RYR2: variants seen among roughly 807,000 people sequenced by gnomAD.
RYR2 encodes the protein cardiac muscle ryanodine receptor-calcium release channel.
In RYR2, 227 loss-of-function variants were observed where a neutral mutation model predicts 601.1. That is an observed-to-expected ratio of 0.38 (90% CI 0.34 to 0.42). The LOEUF (loss-of-function observed/expected upper bound fraction) is 0.42, where lower values mean the gene tolerates loss of function less well. Ranked by LOEUF, RYR2 falls within the 10% of genes least tolerant of loss-of-function variation. RYR2 has a pLI of 1.00. For synonymous variants in RYR2, 2,223 were observed against 2,175.1 expected (o/e 1.02, Z -0.61); for missense variants, 4,646 against 6,156.5 (o/e 0.75, Z 8.21).
At chr1:237,066,204 A>G (rs1663595232) in intron 1 of RYR2, among the ~76,000 whole-genome samples, 1 of 152,220 alleles carries the variant, frequency 6.6e-6, no homozygotes, top group Non-Finnish European at 1.5e-5. Context: ...TGTCTTGCAA[A>G]ATGCCTTTTC....
chr1:237,236,802 A>G (rs1685591721), intron 1 of RYR2, among the ~76,000 whole-genome samples: 1 of 152,198 alleles, frequency 6.6e-6, no homozygotes, highest in African/African-American at 2.4e-5. Flanking sequence ...AATTATCTAC[A>G]ATATAAGATA....
chr1:237,132,182 G>A (rs1382479600), intron 1 of RYR2, among the ~76,000 whole-genome samples: 1 of 152,224 alleles, frequency 6.6e-6, no homozygotes, highest in Non-Finnish European at 1.5e-5. Flanking sequence ...ACGTTCTGAA[G>A]GAAACTATTC....
chr1:237,674,010 A>G (rs867656942), intron 58 of RYR2, 86 bp from the exon 59 acceptor site: 1 of 1,050,858 alleles, frequency 9.5e-7, no homozygotes, highest in Non-Finnish European at 1.4e-6. Context: ...GGAAAGTTTT[A>G]TAGTGTGGTC....
chr1:237,677,273 A>G (rs941777292), intron 60 of RYR2, among the ~76,000 whole-genome samples: 1 of 152,166 alleles, frequency 6.6e-6, no homozygotes. Flanking sequence ...TATGTTCTGC[A>G]TGCCATCGTT....
At chr1:237,505,985 A>C (rs1665182635) in intron 22 of RYR2, among the ~76,000 whole-genome samples, 1 of 152,102 alleles carries the variant, frequency 6.6e-6, no homozygotes. Context: ...TCAGACATTT[A>C]TACGCTCAAA....
At chr1:237,213,200 C>T (rs945476978) in intron 1 of RYR2, among the ~76,000 whole-genome samples, 1 of 151,822 alleles carries the variant, frequency 6.6e-6, no homozygotes, top group Non-Finnish European at 1.5e-5. Context: ...TTTTTTGACA[C>T]AGAGTCTCGC....
At chr1:237,570,231 A>AC (rs1559044203) in intron 29 of RYR2, among the ~76,000 whole-genome samples, 2 of 151,514 alleles carry the variant, frequency 1.3e-5, no homozygotes, top group Non-Finnish European at 2.9e-5. Context: ...AAAAAAAAAA[A>AC]AGATGGAAGG....
intron 20 of RYR2, among the ~76,000 whole-genome samples, chr1:237,499,849 G>A (rs1184047669): frequency 6.6e-6 from 1 of 152,202 alleles, no homozygotes; most frequent in Non-Finnish European, 1.5e-5. Flanking sequence ...ATGTGTGTTT[G>A]GGAGAACCTT....
intron 5 of RYR2, among the ~76,000 whole-genome samples, chr1:237,364,846 C>A (rs977195307): frequency 2.0e-5 from 3 of 152,146 alleles, no homozygotes; most frequent in African/African-American, 7.2e-5. Flanking sequence ...AATTCTTCCA[C>A]TGGGAAATTA....
intron 35 of RYR2, among the ~76,000 whole-genome samples, chr1:237,609,894 T>C (rs1179720905): frequency 6.6e-6 from 1 of 152,158 alleles, no homozygotes; most frequent in Non-Finnish European, 1.5e-5. Context: ...TTTTGTTAGT[T>C]TTATTCATTA....
intron 76 of RYR2, among the ~76,000 whole-genome samples, chr1:237,727,775 T>C (rs1418042894): frequency 1.3e-5 from 2 of 152,120 alleles, no homozygotes; most frequent in Non-Finnish European, 2.9e-5. Flanking sequence ...TGTAAAAAGA[T>C]TTGACAGGCC....
At chr1:237,472,332 G>A (rs182752176) in intron 17 of RYR2, among the ~76,000 whole-genome samples, 9 of 152,246 alleles carry the variant, frequency 5.9e-5, no homozygotes, top group Non-Finnish European at 1.0e-4. Context: ...AAGAATTCTT[G>A]AGTAGAAAAG....
chr1:237,427,625 A>C (rs978178350), intron 12 of RYR2, among the ~76,000 whole-genome samples: 18 of 151,856 alleles, frequency 1.2e-4, no homozygotes, highest in Non-Finnish European at 2.1e-4. Context: ...TCTACTAAAA[A>C]TACAAAAATT....
At chr1:237,716,551 C>T (rs1256482868) in intron 71 of RYR2, among the ~76,000 whole-genome samples, 1 of 152,030 alleles carries the variant, frequency 6.6e-6, no homozygotes, top group Non-Finnish European at 1.5e-5. Context: ...TAGCATAAGC[C>T]TCAAAAACAT....
At chr1:237,124,183 C>G (rs1671144445) in intron 1 of RYR2, among the ~76,000 whole-genome samples, 1 of 152,074 alleles carries the variant, frequency 6.6e-6, no homozygotes, top group African/African-American at 2.4e-5. Flanking sequence ...AATGATTTGC[C>G]CAAAGCCTGT....
chr1:237,167,708 CTTTTTTTTT>C (rs11288225), intron 1 of RYR2, among the ~76,000 whole-genome samples: 7 of 101,110 alleles, frequency 6.9e-5, no homozygotes, highest in African/African-American at 2.4e-4. Flanking sequence ...GATCCACCTC[CTTTTTTTTT>C]TTTTTTTTTT....
Position 237,639,015 on chromosome 1 carries a change from G to C in RYR2, c.6929G>C (p.Gly2310Ala). ...DFLRFAVFCNGESVEENANVV... is the reference protein window; with the variant it reads ...DFLRFAVFCNAESVEENANVV... ...ACTTATCTTCCCCATTCTACTTTAG[G>C]GGAGAGTGTGGAGGAAAATGCAAAT... The change falls in exon 46 of 105, where the codon GGG becomes GCG. Residue 2310 changes from glycine (G) to alanine (A), a missense_variant and splice_region_variant. Physicochemically the swap from Gly to Ala is moderately conservative, Grantham distance 60. This residue lies in a region of RYR2 where 137 missense variants were observed against 273.6 expected (regional missense o/e 0.50). Coordinates refer to ENST00000366574, the MANE Select transcript of RYR2 (RefSeq NM_001035.3). 1 of 1,613,480 alleles carries C rather than the reference G, an allele frequency of 6.2e-7. No homozygotes were observed. Among genetic ancestry groups the C allele is most frequent in the Non-Finnish European group, 8.5e-7 (1 of 1,179,752 alleles).
intron 8 of RYR2, among the ~76,000 whole-genome samples, chr1:237,384,724 C>T (rs1701827956): frequency 1.3e-5 from 2 of 152,086 alleles, no homozygotes; most frequent in South Asian, 4.1e-4. Flanking sequence ...AGACACAGGC[C>T]AAGTGATCCT....
chr1:237,207,748 G>A (rs1319190492), intron 1 of RYR2, among the ~76,000 whole-genome samples: 2 of 152,168 alleles, frequency 1.3e-5, no homozygotes, highest in African/African-American at 2.4e-5. Context: ...GACACCACTA[G>A]TAGAATAGCT....
Sources: gnomAD v4.1 joint callset for allele counts (sites outside exome capture counted in the v4.1 genomes callset) on GRCh38, gnomAD v4.1.1 for gene constraint, gnomAD v4.1.1 regional missense constraint, MANE v1.5 for transcripts, NCBI Gene and HGNC (gene_info 2026-07-23, HGNC 2026-07-21) for gene names.